Variants in NKAIN2 observed in about 807,000 individuals in gnomAD.
NKAIN2 encodes the protein sodium/potassium-transporting ATPase subunit beta-1-interacting protein 2.
A neutral mutation model predicts 32.6 loss-of-function variants in NKAIN2; 14 were observed. The ratio of observed to expected loss-of-function variants is 0.43; its 90% CI spans 0.28 to 0.67. The LOEUF (loss-of-function observed/expected upper bound fraction) is 0.67. NKAIN2 is among the 30% of genes least tolerant of loss of function. NKAIN2 has a pLI of 0.17. For missense variants in NKAIN2, 198 were observed against 258.3 expected, an observed-to-expected ratio of 0.77 and a Z score of 1.60; for synonymous variants, 80 against 87.2, an observed-to-expected ratio of 0.92 and a Z score of 0.46.
At chr6:124,165,616 T>C (rs1788494013) in intron 1 of NKAIN2, among the ~76,000 whole-genome samples, 1 of 150,916 alleles carries the variant, frequency 6.6e-6, no homozygotes, top group Non-Finnish European at 1.5e-5. Flanking sequence ...GCTGCACCCA[T>C]TAACTCGTCA....
intron 1 of NKAIN2, among the ~76,000 whole-genome samples, chr6:124,266,631 C>G (rs1423019702): frequency 6.6e-6 from 1 of 152,152 alleles, no homozygotes; most frequent in Non-Finnish European, 1.5e-5. Context: ...TAGCCTCTCC[C>G]TAAGAAACGT....
intron 4 of NKAIN2, among the ~76,000 whole-genome samples, chr6:124,717,666 C>T (rs7758370): frequency 3.3e-5 from 5 of 152,134 alleles, no homozygotes; most frequent in Admixed American, 6.5e-5. Flanking sequence ...ACCATCCCTT[C>T]GTAATTATTG....
intron 1 of NKAIN2, among the ~76,000 whole-genome samples, chr6:123,915,988 T>A (rs548137413): frequency 1.3e-5 from 2 of 152,268 alleles, no homozygotes; most frequent in Admixed American, 6.5e-5. Flanking sequence ...ACTAGTGTAT[T>A]GGTTCATTTC....
chr6:123,902,796 A>G (rs961655477), intron 1 of NKAIN2, among the ~76,000 whole-genome samples: 2 of 152,234 alleles, frequency 1.3e-5, no homozygotes, highest in Non-Finnish European at 2.9e-5. Context: ...GTGATAAACA[A>G]AACCAACTCA....
intron 1 of NKAIN2, among the ~76,000 whole-genome samples, chr6:124,088,247 A>G (rs1265795260): frequency 6.6e-6 from 1 of 151,806 alleles, no homozygotes; most frequent in Non-Finnish European, 1.5e-5. Flanking sequence ...GTAAGATTCC[A>G]TCTCTACAAA....
At chr6:124,705,239 T>G (rs762985361) in intron 4 of NKAIN2, among the ~76,000 whole-genome samples, 1 of 152,088 alleles carries the variant, frequency 6.6e-6, no homozygotes, top group African/African-American at 2.4e-5. Context: ...TATAAAAGAT[T>G]GGGAGTCCTT....
chr6:124,248,405 T>TC (rs1008720469), intron 1 of NKAIN2, among the ~76,000 whole-genome samples: 8 of 151,832 alleles, frequency 5.3e-5, no homozygotes, highest in Non-Finnish European at 8.8e-5. Flanking sequence ...ATGTCTTCCT[T>TC]CCCCCCCACC....
rs143775173 is a variant in NKAIN2 at position 124,384,592 on chromosome 6, C to A, written c.273+29245C>A. 2.5e-3 allele frequency among the ~76,000 whole-genome samples: 379 copies of A among 151,598 alleles called. 2 individuals are homozygous for A. Among genetic ancestry groups the A allele is most frequent in the African/African-American group, 8.8e-3 (366 of 41,522 alleles). ...ATGGCTTGTATTTGCTTGTGATACA[C>A]AATTGCTTACAATAGTTTGACTCTC... is the stretch of plus-strand genomic sequence containing the variant. On this transcript the variant is annotated intron_variant, in intron 3 of 6. Coordinates refer to ENST00000368417, the MANE Select transcript of NKAIN2 (RefSeq NM_001040214.3).
chr6:124,688,856 A>G (rs1774123780), intron 4 of NKAIN2, among the ~76,000 whole-genome samples: 1 of 152,070 alleles, frequency 6.6e-6, no homozygotes, highest in Non-Finnish European at 1.5e-5. Context: ...GATGAACCAC[A>G]GTTTATATAT....
chr6:124,816,768 T>C (rs959331343), intron 5 of NKAIN2, among the ~76,000 whole-genome samples: 1 of 152,130 alleles, frequency 6.6e-6, no homozygotes, highest in Non-Finnish European at 1.5e-5. Context: ...AAAGAAGTAA[T>C]GGGTGTCCTA....
intron 1 of NKAIN2, among the ~76,000 whole-genome samples, chr6:124,099,364 T>C (rs1344273368): frequency 1.3e-5 from 2 of 152,026 alleles, no homozygotes; most frequent in South Asian, 4.1e-4. Flanking sequence ...GTTAAAAATG[T>C]AATTTGAATT....
At chr6:123,868,440 T>G (rs1049841114) in intron 1 of NKAIN2, among the ~76,000 whole-genome samples, 4 of 152,202 alleles carry the variant, frequency 2.6e-5, no homozygotes, top group Admixed American at 6.5e-5. Flanking sequence ...TATTAATTGA[T>G]TTTTAAAAAT....
intron 3 of NKAIN2, among the ~76,000 whole-genome samples, chr6:124,565,746 C>T (rs1483073989): frequency 1.3e-5 from 2 of 152,082 alleles, no homozygotes; most frequent in African/African-American, 2.4e-5. Context: ...GACAGGAAAT[C>T]GTTCTAATAA....
intron 3 of NKAIN2, among the ~76,000 whole-genome samples, chr6:124,445,086 C>G (rs184314437): frequency 6.6e-6 from 1 of 151,824 alleles, no homozygotes; most frequent in African/African-American, 2.4e-5. Flanking sequence ...AATAACGAAA[C>G]CTCTGCAAGG....
intron 2 of NKAIN2, among the ~76,000 whole-genome samples, chr6:124,303,738 G>T (rs139634124): frequency 6.6e-6 from 1 of 152,140 alleles, no homozygotes; most frequent in African/African-American, 2.4e-5. Flanking sequence ...CAATATAAAG[G>T]GTTAATAAAA....
At chr6:124,754,421 C>T (rs544218180) in intron 4 of NKAIN2, among the ~76,000 whole-genome samples, 117 of 151,406 alleles carry the variant, frequency 7.7e-4, no homozygotes, top group African/African-American at 2.7e-3. Context: ...GAAATGTTAA[C>T]ATTTTCATGT....
At chr6:124,106,917 A>G (rs1020586428) in intron 1 of NKAIN2, among the ~76,000 whole-genome samples, 1 of 152,214 alleles carries the variant, frequency 6.6e-6, no homozygotes, top group Non-Finnish European at 1.5e-5. Flanking sequence ...CACAAAAAGG[A>G]CAAACAAAAC....
chr6:124,148,414 C>A (rs532541297), intron 1 of NKAIN2, among the ~76,000 whole-genome samples: 1 of 152,064 alleles, frequency 6.6e-6, no homozygotes, highest in Non-Finnish European at 1.5e-5. Context: ...TATCTCCCCC[C>A]CGACCAACCC....
intron 2 of NKAIN2, among the ~76,000 whole-genome samples, chr6:124,303,722 T>G (rs1235844728): frequency 6.6e-6 from 1 of 152,132 alleles, no homozygotes; most frequent in Non-Finnish European, 1.5e-5. Context: ...ATAATCAATC[T>G]GGAGACAATA....
Sources: gnomAD v4.1 joint callset for allele counts (sites outside exome capture counted in the v4.1 genomes callset) on GRCh38, gnomAD v4.1.1 for gene constraint, MANE v1.5 for transcripts, NCBI Gene and HGNC (gene_info 2026-07-23, HGNC 2026-07-21) for gene names.